NSF: variants seen among roughly 807,000 people sequenced by gnomAD.
NSF encodes the protein vesicle-fusing ATPase.
Under a neutral mutation model 50.3 loss-of-function variants are expected in NSF, and 14 were observed. That is an observed-to-expected ratio of 0.28 (90% CI 0.18 to 0.44). NSF has a LOEUF of 0.44. NSF is among the 20% of genes least tolerant of loss of function. NSF has a pLI of 1.00. For missense variants in NSF, 218 were observed against 504.3 expected (o/e 0.43, Z 5.44); for synonymous variants, 109 against 175.7 (o/e 0.62, Z 3.00).
intron 8 of NSF, among the ~76,000 whole-genome samples, chr17:46,671,954 T>G (rs1157823346): frequency 7.0e-6 from 1 of 143,002 alleles, no homozygotes; most frequent in African/African-American, 2.5e-5. Flanking sequence ...AATTAAGAGC[T>G]TCAAATAATT....
chr17:46,716,209 T>G (rs1442489454), intron 15 of NSF, among the ~76,000 whole-genome samples: 1 of 151,958 alleles, frequency 6.6e-6, no homozygotes, highest in Non-Finnish European at 1.5e-5. Flanking sequence ...AATGTAAATG[T>G]CATTCTTTAG....
intron 9 of NSF, among the ~76,000 whole-genome samples, chr17:46,690,374 G>A (rs1006769231): frequency 4.1e-5 from 1 of 24,582 alleles, no homozygotes; most frequent in African/African-American, 2.1e-4. Context: ...GGAGGGCAAG[G>A]CAGGCGGATC....
intron 1 of NSF, among the ~76,000 whole-genome samples, chr17:46,605,715 TAAAA>T (rs528349065): frequency 2.8e-5 from 1 of 35,994 alleles, no homozygotes; most frequent in African/African-American, 1.3e-4. Context: ...TCCTGAAGGC[TAAAA>T]AAAAAAAAAA....
chr17:46,715,898 A>G (rs192500804), intron 15 of NSF, among the ~76,000 whole-genome samples: 48 of 152,294 alleles, frequency 3.2e-4, no homozygotes, highest in African/African-American at 1.1e-3. Context: ...TTAATTCATG[A>G]TTCACTGTCC....
chr17:46,681,482 C>T (rs1339399301), intron 9 of NSF, among the ~76,000 whole-genome samples: 1 of 143,604 alleles, frequency 7.0e-6, no homozygotes, highest in African/African-American at 2.6e-5. Context: ...AGAATGAGAC[C>T]CTGTCTCAAA....
At chr17:46,690,624 AATAT>A (rs1374633889) in intron 9 of NSF, among the ~76,000 whole-genome samples, 2 of 110,952 alleles carry the variant, frequency 1.8e-5, no homozygotes, top group Non-Finnish European at 3.7e-5. Context: ...AAAAAAAAAA[AATAT>A]ATATATATAT....
Position 46,713,977 on chromosome 17 carries a change from C to T in NSF, c.1752C>T (p.Ala584=). The change falls in exon 15 of 21, where the codon GCC becomes GCT. Residue 584 remains alanine, a synonymous_variant. Coordinates refer to ENST00000398238, the MANE Select transcript of NSF (RefSeq NM_006178.4). ...IGFSETAKCQ[A]MKKIFDDAYK... is the part of the protein sequence containing the mutation. ...TTTCTGAAACAGCCAAATGTCAGGC[C>T]ATGAAGAAGGTATCAAGATTTTACT... is the stretch of plus-strand genomic sequence containing the variant. 6.2e-7 allele frequency: 1 copy of T among 1,601,588 alleles called. No individual in the cohort carries two copies.
chr17:46,737,607 T>C (rs183660044), intron 17 of NSF, among the ~76,000 whole-genome samples: 1 of 150,436 alleles, frequency 6.6e-6, no homozygotes, highest in Admixed American at 6.6e-5. Flanking sequence ...GTGTGTGTTT[T>C]CTGATCCATG....
In NSF at chr17:46,755,336, G is replaced by C; in HGVS notation, c.2180G>C (p.Arg727Thr). The change falls in exon 20 of 21, where the codon AGA becomes ACA. Residue 727 changes from arginine (R) to threonine (T), a missense_variant. Arg to Thr is a moderately conservative substitution (Grantham distance 71). Coordinates refer to ENST00000398238, the MANE Select transcript of NSF (RefSeq NM_006178.4). ...SLQMDPEYRV[R>T]KFLALLREEG... ...TAGATGGATCCTGAATACCGTGTGA[G>C]AAAATTCTTGGCCCTCTTAAGAGAA... 6.2e-7 allele frequency: 1 copy of C among 1,613,798 alleles called. No individual in the cohort carries two copies. The highest frequency in any genetic ancestry group is 8.5e-7 in the Non-Finnish European group (1 of 1,179,632).
chr17:46,602,717 A>G (rs907212935), intron 1 of NSF, among the ~76,000 whole-genome samples: 3 of 145,566 alleles, frequency 2.1e-5, no homozygotes, highest in Non-Finnish European at 4.5e-5. Context: ...GAGTCTTCCA[A>G]TGAACCTCTG....
rs770081490 is a variant in NSF at position 46,714,028 on chromosome 17, A to G, written c.1761+42A>G. 3.8e-6 allele frequency: 6 copies of G among 1,577,114 alleles called. No homozygotes were observed. The East Asian group carries it at 1.1e-4, about 30-fold the overall frequency. ...TTCATTTTAATTTCCTATCTCTTAAATGTGTGTGTGTGTGCACATATATAT... is the reference window on the plus strand; with the variant it reads ...TTCATTTTAATTTCCTATCTCTTAAGTGTGTGTGTGTGTGCACATATATAT... On this transcript the variant is annotated intron_variant, in intron 15 of 20. Coordinates refer to ENST00000398238, the MANE Select transcript of NSF (RefSeq NM_006178.4).
rs1001721064 is a variant in NSF at position 46,691,388 on chromosome 17, A to T, written c.946-1515A>T. 5.6e-5 allele frequency among the ~76,000 whole-genome samples: 6 copies of T among 107,294 alleles called. No homozygotes were observed. The East Asian group carries it at 1.2e-3, about 22-fold the overall frequency. 70.4% of individuals were successfully genotyped at this position (107,294 alleles called of 152,430 possible). On this transcript the variant is annotated intron_variant, in intron 9 of 20. Transcript: ENST00000398238. The stretch of plus-strand genomic sequence containing the variant: ...GCTGAGTGAATCACCTGAGGTCAGG[A>T]GTTCGAGACCAGCCTGGCAAACATG...
chr17:46,711,126 A>C lies in NSF; in HGVS notation c.1627+7A>C. On this transcript the variant is annotated splice_region_variant and intron_variant, in intron 14 of 20. Transcript: ENST00000398238. ...GTCAGCGTGCTTCTGGAAGGTGAGA[A>C]TGAATGAGGAGATGGCATTAAAAGT... 2 of 1,493,920 alleles carry C rather than the reference A, an allele frequency of 1.3e-6. No homozygotes were observed. The highest frequency in any genetic ancestry group is 1.8e-6 in the Non-Finnish European group (2 of 1,126,146). The allele number at this position is 1,493,920 out of a possible 1,614,324, so 92.5% of individuals were successfully genotyped here. A position where few individuals can be genotyped will look rare whatever the true frequency, so the allele number is the denominator to read the frequency against.
intron 17 of NSF, among the ~76,000 whole-genome samples, chr17:46,744,839 A>G (rs2146328538): frequency 6.6e-6 from 1 of 152,276 alleles, no homozygotes; most frequent in South Asian, 2.1e-4. Context: ...TTTCATGGAA[A>G]TGTTTTCACC....
At position 46,661,378 on chromosome 17, in the gene NSF, T is replaced by TTTATTATTATTA. The variant is rs892367324; in HGVS notation, c.746-13015_746-13004dup. Among the ~76,000 whole-genome samples the TTTATTATTATTA allele has an allele frequency of 7.6e-3, 813 of 106,390 alleles. 11 individuals carry two copies. The highest frequency in any genetic ancestry group is 0.028 in the African/African-American group (644 of 22,660). 69.8% of individuals were successfully genotyped at this position (106,390 alleles called of 152,430 possible). A position where few individuals can be genotyped will look rare whatever the true frequency, so the allele number is the denominator to read the frequency against. On this transcript the variant is annotated intron_variant, in intron 8 of 20. Transcript: ENST00000398238. ...TATTTGAATCTCTTCTACATTTCTT[T>TTTATTATTATTA]TTATTATTATTATTATTATTATTAT... is the stretch of plus-strand genomic sequence containing the variant.
chr17:46,685,469 G>A (rs2058488499), intron 9 of NSF, among the ~76,000 whole-genome samples: 1 of 151,870 alleles, frequency 6.6e-6, no homozygotes, highest in Admixed American at 6.6e-5. Flanking sequence ...CCACACTGAC[G>A]GAGATGAACA....
chr17:46,755,900 C>T lies in NSF; in HGVS notation c.*77C>T, dbSNP rs975651810. ...ATGGCCTAGGATCTTCACTGTCTTACTCAAGATACTGGACTAAGTGGAACG... is the reference window on the plus strand; with the variant it reads ...ATGGCCTAGGATCTTCACTGTCTTATTCAAGATACTGGACTAAGTGGAACG... On this transcript the variant is annotated 3_prime_UTR_variant, in exon 21 of 21. Coordinates refer to ENST00000398238, the MANE Select transcript of NSF (RefSeq NM_006178.4). 1 of 1,415,044 alleles carries T rather than the reference C, an allele frequency of 7.1e-7. No homozygotes were observed. Among genetic ancestry groups the T allele is most frequent in the Non-Finnish European group, 9.9e-7 (1 of 1,011,922 alleles). 87.7% of individuals were successfully genotyped at this position (1,415,044 alleles called of 1,614,324 possible). A position where few individuals can be genotyped will look rare whatever the true frequency, so the allele number is the denominator to read the frequency against.
At chr17:46,728,632 T>G (rs1002898238) in intron 16 of NSF, among the ~76,000 whole-genome samples, 1 of 152,060 alleles carries the variant, frequency 6.6e-6, no homozygotes, top group African/African-American at 2.4e-5. Context: ...TCTTATATTT[T>G]AAGCATTTAG....
intron 17 of NSF, among the ~76,000 whole-genome samples, chr17:46,734,358 TGTG>T (rs530949627): frequency 6.6e-6 from 1 of 152,156 alleles, no homozygotes; most frequent in Non-Finnish European, 1.5e-5. Context: ...AATCCACTGA[TGTG>T]GTGACTTTTG....
Sources: gnomAD v4.1 joint callset for allele counts (sites outside exome capture counted in the v4.1 genomes callset) on GRCh38, gnomAD v4.1.1 for gene constraint, MANE v1.5 for transcripts, NCBI Gene and HGNC (gene_info 2026-07-23, HGNC 2026-07-21) for gene names.